GINS1: variants seen among roughly 807,000 people sequenced by gnomAD.
GINS1 encodes DNA replication complex GINS protein PSF1.
GINS1 carries 26 observed loss-of-function variants against 34.9 expected under a neutral mutation model. That is an observed-to-expected ratio of 0.74 (90% confidence interval 0.55 to 1.03). The LOEUF is 1.03. Ranked by LOEUF, GINS1 falls within the 50% of genes least tolerant of loss-of-function variation. GINS1 has a pLI of 0.00. For synonymous variants in GINS1, 97 were observed against 84.4 expected (o/e 1.15, Z -0.82); for missense variants, 235 against 237.9 (o/e 0.99, Z 0.08).
intron 3 of GINS1, among the ~76,000 whole-genome samples, chr20:25,417,425 T>C (rs971579716): frequency 6.6e-6 from 1 of 152,226 alleles, no homozygotes; most frequent in Non-Finnish European, 1.5e-5. Flanking sequence ...AGCTATCATA[T>C]GGTTTTAACA....
intron 4 of GINS1, 30 bp downstream of exon 4, chr20:25,418,225 T>C: frequency 8.0e-7 from 1 of 1,251,670 alleles, no homozygotes; most frequent in Non-Finnish European, 1.2e-6. Flanking sequence ...GTTTATAAAT[T>C]TTGAAAATGC....
At chr20:25,424,442 T>A (rs1888996) in intron 4 of GINS1, among the ~76,000 whole-genome samples, 152,241 of 152,286 alleles carry the variant, frequency 1, 76,098 homozygotes, top group Middle Eastern at 1. Context: ...TGTTTTCAAC[T>A]TTTTTTTTAA....
At chr20:25,425,421 A>G (rs187258297) in intron 5 of GINS1, 94 bp downstream of exon 5, 187 of 600,044 alleles carry the variant, frequency 3.1e-4, no homozygotes, top group Admixed American at 1.3e-3. Context: ...GTTAGCTTCT[A>G]TTAAAATAGA....
intron 3 of GINS1, 151 bp downstream of exon 3, chr20:25,417,353 A>C (rs906608261): frequency 6.7e-6 from 4 of 595,834 alleles, no homozygotes; most frequent in Non-Finnish European, 8.8e-6. Context: ...TTAATTTTTT[A>C]TTATGAAAAA....
chr20:25,442,410 G>T lies in GINS1; in HGVS notation c.522+634G>T, dbSNP rs368078647. Among the ~76,000 whole-genome samples, 5 of 151,806 alleles carry T rather than the reference G, an allele frequency of 3.3e-5. No individual in the cohort carries two copies. The East Asian group carries it at 9.7e-4, about 29-fold the overall frequency. On this transcript the variant is annotated intron_variant, in intron 6 of 6. Transcript: ENST00000262460. ...TATCTTTAAAGAAAATAGAGATGGGGCCTTGCTATGTTGACCATGCTAGTC... is the reference window on the plus strand; with the variant it reads ...TATCTTTAAAGAAAATAGAGATGGGTCCTTGCTATGTTGACCATGCTAGTC...
chr20:25,422,540 G>A (rs571679399), intron 4 of GINS1, among the ~76,000 whole-genome samples: 1 of 152,264 alleles, frequency 6.6e-6, no homozygotes, highest in Non-Finnish European at 1.5e-5. Context: ...GTAGTAAGCT[G>A]AGATTGCGCC....
At chr20:25,418,277 C>A in intron 4 of GINS1, 82 bp downstream of exon 4, 1 of 858,168 alleles carries the variant, frequency 1.2e-6, no homozygotes, top group South Asian at 1.4e-5. Context: ...TATTGGTATT[C>A]CTCTTTTTGT....
chr20:25,413,478 T>G, intron 1 of GINS1: 1 of 255,370 alleles, frequency 3.9e-6, no homozygotes, highest in Non-Finnish European at 7.5e-6. Flanking sequence ...TGTTTTCTGT[T>G]TTCTTGAGTA....
chr20:25,413,758 A>G, intron 1 of GINS1, 32 bp from the exon 2 acceptor site: 1 of 1,219,326 alleles, frequency 8.2e-7, no homozygotes, highest in Non-Finnish European at 1.2e-6. Context: ...TGGGGAAATC[A>G]GTGGATTTCA....
intron 5 of GINS1, among the ~76,000 whole-genome samples, chr20:25,439,838 C>T (rs1344739873): frequency 1.3e-5 from 2 of 151,426 alleles, no homozygotes; most frequent in Non-Finnish European, 2.9e-5. Flanking sequence ...ACTAAAAATA[C>T]AAAAAAATTA....
At chr20:25,409,186 G>T (rs1414255404) in intron 1 of GINS1, among the ~76,000 whole-genome samples, 1 of 152,242 alleles carries the variant, frequency 6.6e-6, no homozygotes, top group East Asian at 1.9e-4. Flanking sequence ...CAGCCTACAT[G>T]AATTTGTTGT....
chr20:25,427,265 C>G (rs992883964), intron 5 of GINS1, among the ~76,000 whole-genome samples: 3 of 152,090 alleles, frequency 2.0e-5, no homozygotes, highest in South Asian at 2.1e-4. Flanking sequence ...CTCCCAGGTT[C>G]ACCTCAACTG....
chr20:25,411,150 C>G (rs1243634488), intron 1 of GINS1: 3 of 152,160 alleles, frequency 2.0e-5, no homozygotes, highest in Admixed American at 1.3e-4. Context: ...TGGCACACAC[C>G]TGTAGTCCCA....
chr20:25,410,643 A>C (rs575518946), intron 1 of GINS1, among the ~76,000 whole-genome samples: 1 of 149,070 alleles, frequency 6.7e-6, no homozygotes, highest in African/African-American at 2.5e-5. Flanking sequence ...GCTCACTGCA[A>C]CCTCCGCCTT....
At chr20:25,426,757 T>C (rs2090393498) in intron 5 of GINS1, among the ~76,000 whole-genome samples, 2 of 151,920 alleles carry the variant, frequency 1.3e-5, no homozygotes, top group South Asian at 4.2e-4. Flanking sequence ...ACTCCCGAGC[T>C]CAGGTGATCC....
chr20:25,434,596 A>G (rs115815357), intron 5 of GINS1, among the ~76,000 whole-genome samples: 5,359 of 152,132 alleles, frequency 0.035, 274 homozygotes, highest in African/African-American at 0.12. Context: ...ACGGGCATGC[A>G]CTACTGTGCC....
At position 25,446,304 on chromosome 20, in the gene GINS1, A is replaced by G. The variant is rs556157880; in HGVS notation, c.*313A>G. ...CCCACCTTAGCTTCTCAAAGTGTTG[A>G]GATCACAGGCGTGAGCCACTGCACC... On this transcript the variant is annotated 3_prime_UTR_variant, in exon 7 of 7. Coordinates refer to ENST00000262460, the MANE Select transcript of GINS1 (RefSeq NM_021067.5). 1.2e-4 allele frequency: 31 copies of G among 252,936 alleles called. No homozygotes were observed. The highest frequency in any genetic ancestry group is 6.9e-4 in the African/African-American group (31 of 44,990). The allele number at this position is 252,936 out of a possible 1,614,324, so 15.7% of individuals were successfully genotyped here.
In GINS1 at chr20:25,425,334, A is replaced by T. The variant is rs200596482; in HGVS notation, c.447+7A>T. 8.9e-7 allele frequency: 1 copy of T among 1,129,852 alleles called. No individual in the cohort carries two copies. Among genetic ancestry groups the T allele is most frequent in the East Asian group, 2.4e-5 (1 of 42,490 alleles). 70.0% of individuals were successfully genotyped at this position (1,129,852 alleles called of 1,614,324 possible). The stretch of plus-strand genomic sequence containing the variant: ...AAAAAGCCTATATATTGAAGTATGT[A>T]TATCTTTTTAAAATGCATTTTTCTT... On this transcript the variant is annotated splice_region_variant and intron_variant, in intron 5 of 6. Transcript: ENST00000262460.
At chr20:25,435,979 A>ATT (rs71183401) in intron 5 of GINS1, among the ~76,000 whole-genome samples, 1 of 138,428 alleles carries the variant, frequency 7.2e-6, no homozygotes. Flanking sequence ...TGCCCAGCTA[A>ATT]TTTTTTTTTT....
Sources: allele counts gnomAD v4.1 joint callset (sites outside exome capture counted in the v4.1 genomes callset), GRCh38; gene constraint gnomAD v4.1.1; transcripts MANE v1.5; gene names NCBI Gene and HGNC (gene_info 2026-07-23, HGNC 2026-07-21).